LRRC7: variants seen among roughly 807,000 people sequenced by gnomAD.
LRRC7 encodes leucine rich repeat containing 7, also known as leucine-rich repeat-containing protein 7.
LRRC7 carries 23 observed loss-of-function variants against 175.7 expected under a neutral mutation model. The observed-to-expected ratio is 0.13, with a 90% CI of 0.09 to 0.19. The LOEUF is 0.19. Ranked by LOEUF, LRRC7 falls within the 10% of genes least tolerant of loss-of-function variation. The pLI, the probability that LRRC7 is intolerant of heterozygous loss-of-function variation, is 1.00. For missense variants in LRRC7, 1,354 were observed against 1,904.7 expected (o/e 0.71, Z 5.38); for synonymous variants, 685 against 680.9 (o/e 1.01, Z -0.09).
At chr1:69,992,065 C>T (rs1463844085) in intron 10 of LRRC7, among the ~76,000 whole-genome samples, 1 of 152,066 alleles carries the variant, frequency 6.6e-6, no homozygotes, top group Non-Finnish European at 1.5e-5. Flanking sequence ...GCTTTTCTAC[C>T]TTACTTGCTG....
intron 3 of LRRC7, among the ~76,000 whole-genome samples, chr1:69,779,643 A>T (rs1010118600): frequency 3.9e-5 from 6 of 152,202 alleles, no homozygotes; most frequent in Admixed American, 3.9e-4. Context: ...TGATTCAACA[A>T]CATCTTTGTA....
At position 70,011,800 on chromosome 1, in the gene LRRC7, A is replaced by G. The variant is rs1240655727; in HGVS notation, c.1008A>G (p.Leu336=). 6.4e-7 allele frequency: 1 copy of G among 1,561,460 alleles called. No individual in the cohort carries two copies. The highest frequency in any genetic ancestry group is 1.7e-5 in the Admixed American group (1 of 59,452). The change falls in exon 12 of 27, where the codon TTA becomes TTG. Residue 336 remains leucine (L), a synonymous_variant. Transcript: ENST00000651989. ...ACTAATGTATTTAACTTTTCAGTTT[A>G]TCTTTATTAGAAGAATTTGACTGTA... ...LTMLPNTIGN[L]SLLEEFDCSC...
chr1:69,763,379 A>G lies in LRRC7; in HGVS notation c.303+2986A>G, dbSNP rs994825535. Among the ~76,000 whole-genome samples, 3 of 152,114 alleles carry G rather than the reference A, an allele frequency of 2.0e-5. No homozygotes were observed. The South Asian group carries it at 6.2e-4, about 31-fold the overall frequency. ...CTGACTCCTTAAAACTCTTTCTGAGAAGGACAAAATATGTCTCCCCTAAAA... is the reference window on the plus strand; with the variant it reads ...CTGACTCCTTAAAACTCTTTCTGAGGAGGACAAAATATGTCTCCCCTAAAA... On this transcript the variant is annotated intron_variant, in intron 3 of 26. Coordinates refer to ENST00000651989, the MANE Select transcript of LRRC7 (RefSeq NM_001370785.2).
chr1:69,718,105 G>GAGAGAGAAAAAGAA lies in LRRC7; in HGVS notation c.100+39630_100+39631insGAGAAAAAGAAAGA, dbSNP rs1553146044. ...GAGAGAAAAAGAAAGAGAAGAAAGA[G>GAGAGAGAAAAAGAA]AGAAAAAGAAAGAAAGAAAGAAAAG... On this transcript the variant is annotated intron_variant, in intron 2 of 26. Coordinates refer to ENST00000651989, the MANE Select transcript of LRRC7 (RefSeq NM_001370785.2). Among the ~76,000 whole-genome samples, 5 of 58,990 alleles carry GAGAGAGAAAAAGAA rather than the reference G, an allele frequency of 8.5e-5. 1 individual carries two copies. The highest frequency in any genetic ancestry group is 3.4e-5 in the Non-Finnish European group (1 of 29,796). 38.7% of individuals were successfully genotyped at this position (58,990 alleles called of 152,430 possible).
At position 70,136,274 on chromosome 1, in the gene LRRC7, A is replaced by G. The variant is rs536308337; in HGVS notation, c.*14387A>G. On this transcript the variant is annotated 3_prime_UTR_variant, in exon 27 of 27. Transcript: ENST00000651989. ...ATAAATATGCCCCGCAGGTTCACCT[A>G]TACCCCAAAATATATACTTATATTT... Among the ~76,000 whole-genome samples, 7 of 152,126 alleles carry G rather than the reference A, an allele frequency of 4.6e-5. No homozygotes were observed. The highest frequency in any genetic ancestry group is 3.9e-4 in the Admixed American group (6 of 15,282).
intron 2 of LRRC7, among the ~76,000 whole-genome samples, chr1:69,741,754 C>A (rs1668735262): frequency 6.6e-6 from 1 of 151,950 alleles, no homozygotes; most frequent in African/African-American, 2.4e-5. Context: ...CATTTATTCA[C>A]TGGATTTTTT....
intron 23 of LRRC7, among the ~76,000 whole-genome samples, chr1:70,056,407 A>C (rs1408129637): frequency 6.6e-6 from 1 of 152,228 alleles, no homozygotes; most frequent in East Asian, 1.9e-4. Context: ...TTCACTAAAC[A>C]TAAGAAGTAG....
chr1:69,909,122 G>A (rs1646429613), intron 7 of LRRC7, among the ~76,000 whole-genome samples: 1 of 151,714 alleles, frequency 6.6e-6, no homozygotes, highest in African/African-American at 2.4e-5. Context: ...CATTTGTTTG[G>A]TAGATCTTCC....
At chr1:69,726,106 A>AT (rs1666950739) in intron 2 of LRRC7, among the ~76,000 whole-genome samples, 1 of 152,204 alleles carries the variant, frequency 6.6e-6, no homozygotes, top group Non-Finnish European at 1.5e-5. Context: ...AAATACATTC[A>AT]TACACACATT....
chr1:70,044,998 A>G (rs184212952), intron 22 of LRRC7, among the ~76,000 whole-genome samples: 27 of 152,226 alleles, frequency 1.8e-4, no homozygotes, highest in Non-Finnish European at 3.1e-4. Flanking sequence ...ATGAATGAAC[A>G]TTATGACTCA....
intron 18 of LRRC7, among the ~76,000 whole-genome samples, chr1:70,029,232 T>C (rs10493464): frequency 0.29 from 44,212 of 152,008 alleles, 7,474 homozygotes; most frequent in African/African-American, 0.47. Flanking sequence ...AATTTAAAGC[T>C]GATACACTTA....
chr1:69,634,051 G>A (rs1035574683), intron 1 of LRRC7, among the ~76,000 whole-genome samples: 5 of 151,938 alleles, frequency 3.3e-5, no homozygotes, highest in African/African-American at 1.2e-4. Context: ...CTTATACTTA[G>A]TGACATTAAA....
chr1:69,820,155 G>A (rs1415732518), intron 4 of LRRC7, among the ~76,000 whole-genome samples: 1 of 151,784 alleles, frequency 6.6e-6, no homozygotes, highest in Non-Finnish European at 1.5e-5. Flanking sequence ...ATGGTGGTAT[G>A]TTTTAAATTA....
At chr1:70,092,494 A>G (rs1664102391) in intron 25 of LRRC7, among the ~76,000 whole-genome samples, 1 of 152,186 alleles carries the variant, frequency 6.6e-6, no homozygotes. Flanking sequence ...ATCCAAGAAC[A>G]TCTGAATGTC....
At position 70,143,878 on chromosome 1, in the gene LRRC7, T is replaced by C. The variant is rs1203991179; in HGVS notation, c.*21991T>C. 2 of 152,214 alleles carry C rather than the reference T, an allele frequency of 1.3e-5. No individual in the cohort carries two copies. The highest frequency in any genetic ancestry group is 2.9e-5 in the Non-Finnish European group (2 of 68,046). 9.4% of individuals were successfully genotyped at this position (152,214 alleles called of 1,614,324 possible). On this transcript the variant is annotated 3_prime_UTR_variant, in exon 27 of 27. Coordinates refer to ENST00000651989, the MANE Select transcript of LRRC7 (RefSeq NM_001370785.2). ...TGTATGTGTTAAAAAGACTACTATATCACAATTAAAAGTACTTTTTAGTTG... is the reference window on the plus strand; with the variant it reads ...TGTATGTGTTAAAAAGACTACTATACCACAATTAAAAGTACTTTTTAGTTG...
At chr1:70,006,841 C>T (rs1185656656) in intron 11 of LRRC7, among the ~76,000 whole-genome samples, 1 of 152,088 alleles carries the variant, frequency 6.6e-6, no homozygotes, top group Admixed American at 6.5e-5. Context: ...ATCAGGAAAA[C>T]ACATTAACCA....
intron 2 of LRRC7, among the ~76,000 whole-genome samples, chr1:69,749,397 A>C (rs1256737579): frequency 6.6e-6 from 1 of 152,174 alleles, no homozygotes; most frequent in Non-Finnish European, 1.5e-5. Flanking sequence ...ATTATTTATA[A>C]ATATGGAACA....
At chr1:70,015,505 T>C (rs1656888559) in intron 13 of LRRC7, among the ~76,000 whole-genome samples, 1 of 152,288 alleles carries the variant, frequency 6.6e-6, no homozygotes, top group Non-Finnish European at 1.5e-5. Context: ...AATGTTTATC[T>C]GTATTCAAAA....
intron 9 of LRRC7, among the ~76,000 whole-genome samples, chr1:69,984,153 T>C (rs1653709695): frequency 6.6e-6 from 1 of 152,142 alleles, no homozygotes; most frequent in Admixed American, 6.5e-5. Flanking sequence ...CTCAAACTCC[T>C]GATCTCGTGA....
Sources: gnomAD v4.1 joint callset for allele counts (sites outside exome capture counted in the v4.1 genomes callset) on GRCh38, gnomAD v4.1.1 for gene constraint, MANE v1.5 for transcripts, NCBI Gene and HGNC (gene_info 2026-07-23, HGNC 2026-07-21) for gene names.